The following CHAF1A variants were observed in gnomAD, a reference collection of about 807,000 sequenced individuals.
CHAF1A encodes the protein CAF-1 subunit A.
Under a neutral mutation model 93.2 loss-of-function variants are expected in CHAF1A, and 5 were observed. That is an observed-to-expected ratio of 0.05 (90% CI 0.03 to 0.11). CHAF1A has a LOEUF of 0.11. CHAF1A is among the 10% of genes least tolerant of loss of function. The pLI is 1.00. For missense variants in CHAF1A, 1,102 were observed against 1,259.9 expected (o/e 0.87, Z 1.90); for synonymous variants, 504 against 510.3 (o/e 0.99, Z 0.17).
intron 11 of CHAF1A, chr19:4,430,858 G>A (rs1255626438): frequency 3.6e-6 from 2 of 549,406 alleles, no homozygotes; most frequent in Middle Eastern, 4.9e-4. Context: ...CAAGCGAGGG[G>A]AGCCATAGGA....
chr19:4,410,322 C>T (rs1051754023), intron 3 of CHAF1A, among the ~76,000 whole-genome samples: 7 of 151,738 alleles, frequency 4.6e-5, no homozygotes, highest in African/African-American at 1.5e-4. Context: ...GTGGGAGGAT[C>T]GCTTGAAGAT....
chr19:4,448,185 C>T (rs59106361), downstream of CHAF1A: 4 of 778,680 alleles, frequency 5.1e-6, no homozygotes, highest in African/African-American at 3.4e-5. Context: ...GGAGCTGCCT[C>T]ACTCTCGGCC....
downstream of CHAF1A, chr19:4,445,388 G>A: frequency 1.3e-6 from 2 of 1,547,276 alleles, no homozygotes; most frequent in South Asian, 2.4e-5. Flanking sequence ...GTGCCCATGG[G>A]GCAGAGCCAA....
downstream of CHAF1A, chr19:4,446,515 C>T (rs139717823): frequency 6.2e-6 from 10 of 1,610,194 alleles, no homozygotes; most frequent in Middle Eastern, 1.7e-4. Flanking sequence ...CCTCTGCTCC[C>T]GCTTGATCTC....
At chr19:4,435,699 T>G (rs560572850) in intron 13 of CHAF1A, among the ~76,000 whole-genome samples, 100 of 152,294 alleles carry the variant, frequency 6.6e-4, no homozygotes, top group African/African-American at 2.3e-3. Context: ...TATCTACACT[T>G]AACGCAGACC....
chr19:4,423,296 A>T, intron 5 of CHAF1A, 39 bp from the exon 6 acceptor site: 3 of 1,613,582 alleles, frequency 1.9e-6, no homozygotes, highest in Non-Finnish European at 2.5e-6. Context: ...CCAGAGCCAA[A>T]GCAAAGAGTC....
Position 4,433,641 on chromosome 19 carries a change from C to A in CHAF1A, c.2673+102C>A. On this transcript the variant is annotated intron_variant, in intron 13 of 14. Coordinates refer to ENST00000301280, the MANE Select transcript of CHAF1A (RefSeq NM_005483.3). The surrounding 1 kb of genome is among the most constrained non-coding windows in gnomAD (Gnocchi z 5.6). Reference sequence around the variant, plus strand: ...TTCGAGATGGAGTCCTGCTCTGTCACCCAGGCTGGAGTGCAGTGGCGCAAT... The same window carrying A: ...TTCGAGATGGAGTCCTGCTCTGTCAACCAGGCTGGAGTGCAGTGGCGCAAT... 1.0e-6 allele frequency: 1 copy of A among 972,662 alleles called. No individual in the cohort carries two copies. Among genetic ancestry groups the A allele is most frequent in the Non-Finnish European group, 1.5e-6 (1 of 667,518 alleles). 60.3% of individuals were successfully genotyped at this position (972,662 alleles called of 1,614,324 possible).
At position 4,409,117 on chromosome 19, in the gene CHAF1A, C is replaced by G. The variant is rs759026569; in HGVS notation, c.318C>G (p.Ile106Met). Reference sequence around the variant, plus strand: ...TAGATAACTTTTTAAGAAATAGAATCGAAACCAGTATTGGCCAGAGCACAG... The same window carrying G: ...TAGATAACTTTTTAAGAAATAGAATGGAAACCAGTATTGGCCAGAGCACAG... ...GPLDNFLRNR[I>M]ETSIGQSTVI... The change falls in exon 3 of 15, where the codon ATC becomes ATG. Residue 106 changes from isoleucine to methionine, a missense_variant. Around this residue, in one of 6 missense-constraint regions of CHAF1A, gnomAD observed 379 missense variants for 365.7 expected, o/e 1.04. Coordinates refer to ENST00000301280, the MANE Select transcript of CHAF1A (RefSeq NM_005483.3). The G allele has an allele frequency of 1.2e-6, 2 of 1,614,134 alleles. No homozygotes were observed. The highest frequency in any genetic ancestry group is 2.2e-5 in the South Asian group (2 of 91,074).
At position 4,433,051 on chromosome 19, in the gene CHAF1A, C is replaced by G. The variant is rs769359807; in HGVS notation, c.2204-19C>G. On this transcript the variant is annotated intron_variant, in intron 12 of 14. Transcript: ENST00000301280. The surrounding 1 kb of genome is among the most constrained non-coding windows in gnomAD (Gnocchi z 5.6). ...GTGGCTCCCCAAGCCTCATGCCCAC[C>G]CATGTTCCCTCCTGCCAGTCCTGGC... 2.4e-5 allele frequency: 36 copies of G among 1,525,576 alleles called. 1 individual carries two copies. In the South Asian group the frequency reaches 3.5e-4, roughly 15 times the overall value. 94.5% of individuals were successfully genotyped at this position (1,525,576 alleles called of 1,614,324 possible).
Position 4,433,412 on chromosome 19 carries a change from C to T in CHAF1A, c.2546C>T (p.Pro849Leu), listed in dbSNP as rs1467990294. The change falls in exon 13 of 15, where the codon CCC (proline) becomes CTC (leucine). Residue 849 changes from proline (P) to leucine (L), a missense_variant. Transcript: ENST00000301280. This position sits in a 1 kb window ranked among gnomAD's most constrained non-coding sequence, Gnocchi z 5.6. ...TATGTGACATCGGTGCCCTCGGCCC[C>T]CAAAGAGGACAGTGGCAGCGTCCCC... ...WSYVTSVPSA[P>L]KEDSGSVPST... is the part of the protein sequence containing the mutation. 2 of 1,612,306 alleles carry T rather than the reference C, an allele frequency of 1.2e-6. No individual in the cohort carries two copies. Among genetic ancestry groups the T allele is most frequent in the African/African-American group, 1.3e-5 (1 of 74,882 alleles).
At chr19:4,436,503 G>A (rs1424091757) in intron 13 of CHAF1A, among the ~76,000 whole-genome samples, 1 of 152,236 alleles carries the variant, frequency 6.6e-6, no homozygotes, top group Non-Finnish European at 1.5e-5. Flanking sequence ...TTCAAGCCCT[G>A]TGTGAGCAGT....
chr19:4,448,469 C>T (rs1974587511), downstream of CHAF1A: 1 of 1,430,312 alleles, frequency 7.0e-7, no homozygotes, highest in Non-Finnish European at 9.6e-7. Flanking sequence ...GCCGCACGGC[C>T]CTCCGCTGCC....
At chr19:4,434,877 C>G (rs1005247351) in intron 13 of CHAF1A, among the ~76,000 whole-genome samples, 1 of 152,010 alleles carries the variant, frequency 6.6e-6, no homozygotes, top group African/African-American at 2.4e-5. Flanking sequence ...GTGATTCCAG[C>G]CTTATGGGTG....
At chr19:4,436,909 C>T (rs920088397) in intron 13 of CHAF1A, among the ~76,000 whole-genome samples, 1 of 152,216 alleles carries the variant, frequency 6.6e-6, no homozygotes, top group Non-Finnish European at 1.5e-5. Context: ...ATCAGAGTTA[C>T]TGTGCTTCGG....
downstream of CHAF1A, chr19:4,447,012 TG>T (rs1490845395): frequency 4.4e-5 from 57 of 1,287,742 alleles, 1 homozygote; most frequent in East Asian, 1.4e-3. Flanking sequence ...CTCTCGCTAT[TG>T]GGAGCAGCTG....
intron 8 of CHAF1A, 55 bp downstream of exon 8, chr19:4,428,945 CCTGA>C: frequency 6.7e-7 from 1 of 1,493,504 alleles, no homozygotes; most frequent in Non-Finnish European, 9.3e-7. Context: ...AGGCCAGCAT[CCTGA>C]ACCCTGGGGT....
At chr19:4,437,540 A>G (rs1974307619) in intron 13 of CHAF1A, among the ~76,000 whole-genome samples, 1 of 152,028 alleles carries the variant, frequency 6.6e-6, no homozygotes. Flanking sequence ...CTGTAGAGAC[A>G]GGGTCTATGT....
At chr19:4,435,853 C>T (rs982866732) in intron 13 of CHAF1A, among the ~76,000 whole-genome samples, 5 of 152,028 alleles carry the variant, frequency 3.3e-5, no homozygotes, top group African/African-American at 7.2e-5. Context: ...TAAAGGTGGT[C>T]GTTGGCTGGG....
chr19:4,445,704 C>A, downstream of CHAF1A: 7 of 1,558,452 alleles, frequency 4.5e-6, no homozygotes, highest in Non-Finnish European at 6.1e-6. Context: ...AACCTGGGCG[C>A]GGGGATGCCC....
Sources: gnomAD v4.1 joint callset for allele counts (sites outside exome capture counted in the v4.1 genomes callset) on GRCh38, gnomAD v4.1.1 for gene constraint, gnomAD v4.1.1 regional missense constraint, Gnocchi (gnomAD v3.1) non-coding constraint, MANE v1.5 for transcripts, NCBI Gene and HGNC (gene_info 2026-07-23, HGNC 2026-07-21) for gene names.